The following PKIG variants were observed in gnomAD, a reference collection of about 807,000 sequenced individuals.
The protein encoded by PKIG is protein kinase (cAMP-dependent, catalytic) inhibitor gamma.
PKIG carries 1 observed loss-of-function variant against 6.8 expected under a neutral mutation model. The ratio of observed to expected loss-of-function variants is 0.15; its 90% CI spans 0.05 to 0.69. PKIG has a LOEUF of 0.69. Among genes scored for constraint, PKIG ranks in the 30% least tolerant of loss-of-function variants. PKIG has a pLI of 0.82. For synonymous variants in PKIG, 39 were observed against 43.0 expected, an observed-to-expected ratio of 0.91 and a Z score of 0.36; for missense variants, 77 against 104.0, an observed-to-expected ratio of 0.74 and a Z score of 1.13.
intron 1 of PKIG, among the ~76,000 whole-genome samples, chr20:44,555,396 T>G (rs1219509839): frequency 6.6e-6 from 1 of 152,220 alleles, no homozygotes; most frequent in Non-Finnish European, 1.5e-5. Flanking sequence ...CTCCAAAGCT[T>G]GCCAAATTCT....
intron 2 of PKIG, among the ~76,000 whole-genome samples, chr20:44,599,744 A>G (rs533946566): frequency 3.3e-5 from 5 of 152,242 alleles, no homozygotes; most frequent in African/African-American, 9.6e-5. Flanking sequence ...ACAAAAAACA[A>G]AAAAACTGTA....
At chr20:44,596,692 G>A (rs1186696432) in intron 2 of PKIG, among the ~76,000 whole-genome samples, 3 of 152,144 alleles carry the variant, frequency 2.0e-5, no homozygotes, top group Non-Finnish European at 4.4e-5. Flanking sequence ...AGCTGAAGAC[G>A]GCAGAGCCCC....
chr20:44,614,412 G>A lies in PKIG; in HGVS notation c.-23-122G>A. On this transcript the variant is annotated intron_variant, in intron 2 of 3. Transcript: ENST00000372886. The surrounding 1 kb of genome is among the most constrained non-coding windows in gnomAD (Gnocchi z 4.6). The stretch of plus-strand genomic sequence containing the variant: ...TGTACTTTTCTGTGCTTTTTGCTTT[G>A]TTTTCAATAAGAGGCAATAACTGTC... 1 of 699,328 alleles carries A rather than the reference G, an allele frequency of 1.4e-6. No homozygotes were observed. Among genetic ancestry groups the A allele is most frequent in the South Asian group, 1.9e-5 (1 of 52,392 alleles). The allele number at this position is 699,328 out of a possible 1,614,324, so 43.3% of individuals were successfully genotyped here.
intron 1 of PKIG, among the ~76,000 whole-genome samples, chr20:44,557,727 G>A (rs957937551): frequency 9.9e-5 from 15 of 151,748 alleles, no homozygotes; most frequent in Admixed American, 1.3e-4. Context: ...AGGAGGCTGA[G>A]GCAGGAGAAT....
chr20:44,583,224 G>A (rs1305850725), intron 1 of PKIG, among the ~76,000 whole-genome samples: 1 of 152,174 alleles, frequency 6.6e-6, no homozygotes, highest in African/African-American at 2.4e-5. Context: ...CAGACTCCAT[G>A]AATTTACCAC....
chr20:44,575,475 C>A, intron 1 of PKIG, among the ~76,000 whole-genome samples: 1 of 152,220 alleles, frequency 6.6e-6, no homozygotes, highest in East Asian at 1.9e-4. Flanking sequence ...ATCAGACATC[C>A]TGTCATGCTT....
rs1401846380 is a variant in PKIG, at chr20:44,618,334, C to T, written c.201C>T (p.Pro67=). The change falls in exon 4 of 4, where the codon CCC becomes CCT. Residue 67 remains proline (P), a synonymous_variant. Coordinates refer to ENST00000372886, the MANE Select transcript of PKIG (RefSeq NM_001281445.2). ...CAGACAAGGAAGCTGGCAACCAGCC[C>T]CAGAGCAGCGATGGGACCACCTCGT... ...SAPDKEAGNQ[P]QSSDGTTSS The T allele has an allele frequency of 1.9e-6, 3 of 1,613,470 alleles. No individual in the cohort carries two copies. Among genetic ancestry groups the T allele is most frequent in the Non-Finnish European group, 1.7e-6 (2 of 1,179,396 alleles).
intron 2 of PKIG, among the ~76,000 whole-genome samples, chr20:44,602,645 C>T (rs2065131084): frequency 6.7e-6 from 1 of 149,840 alleles, no homozygotes; most frequent in Admixed American, 6.6e-5. Context: ...TTAACCTGGC[C>T]AACATGGTGA....
intron 2 of PKIG, among the ~76,000 whole-genome samples, chr20:44,590,080 G>T (rs377005730): frequency 6.7e-5 from 10 of 148,430 alleles, no homozygotes; most frequent in East Asian, 2.0e-4. Flanking sequence ...GTTTTCAGGC[G>T]TTTTTTTTTT....
intron 2 of PKIG, among the ~76,000 whole-genome samples, chr20:44,607,598 A>G (rs1243885811): frequency 6.6e-6 from 1 of 150,628 alleles, no homozygotes; most frequent in African/African-American, 2.4e-5. Flanking sequence ...GCTAGTCTTG[A>G]ACTCCTGACC....
At chr20:44,589,046 G>A (rs1476334761) in intron 1 of PKIG, among the ~76,000 whole-genome samples, 1 of 152,060 alleles carries the variant, frequency 6.6e-6, no homozygotes, top group South Asian at 2.1e-4. Context: ...TTTCCCAGGG[G>A]GAACCATTGG....
chr20:44,569,573 A>C (rs1450612757), intron 1 of PKIG, among the ~76,000 whole-genome samples: 1 of 152,140 alleles, frequency 6.6e-6, no homozygotes, highest in Non-Finnish European at 1.5e-5. Flanking sequence ...ATAAACATGT[A>C]ATTTTTATTT....
intron 1 of PKIG, among the ~76,000 whole-genome samples, chr20:44,552,719 A>G (rs1196900519): frequency 2.0e-5 from 3 of 152,208 alleles, no homozygotes; most frequent in African/African-American, 7.2e-5. Context: ...GATGAATTGT[A>G]TGAAGCCTAG....
intron 2 of PKIG, among the ~76,000 whole-genome samples, chr20:44,596,786 C>T (rs562014671): frequency 2.0e-5 from 3 of 152,272 alleles, no homozygotes; most frequent in South Asian, 4.1e-4. Context: ...TGAAGGGCTT[C>T]ACTCACCCTA....
At chr20:44,610,068 G>A (rs909373707) in intron 2 of PKIG, among the ~76,000 whole-genome samples, 1 of 152,224 alleles carries the variant, frequency 6.6e-6, no homozygotes, top group African/African-American at 2.4e-5. Flanking sequence ...TGTAGAAGGA[G>A]CCACCTCTGG....
Position 44,614,349 on chromosome 20 carries a change from G to T in PKIG, c.-23-185G>T. ...GTTCTTTAAAATGTTGATGGTGGTTGTCTGGGTGTGGAATTATGAGTGACT... is the reference window on the plus strand; with the variant it reads ...GTTCTTTAAAATGTTGATGGTGGTTTTCTGGGTGTGGAATTATGAGTGACT... On this transcript the variant is annotated intron_variant, in intron 2 of 3. Transcript: ENST00000372886. This position sits in a 1 kb window ranked among gnomAD's most constrained non-coding sequence, Gnocchi z 4.6. 3.9e-6 allele frequency: 2 copies of T among 518,170 alleles called. No individual in the cohort carries two copies. Among genetic ancestry groups the T allele is most frequent in the South Asian group, 2.7e-5 (1 of 36,446 alleles). The allele number at this position is 518,170 out of a possible 1,614,324, so 32.1% of individuals were successfully genotyped here.
chr20:44,568,623 G>A (rs1194034773), intron 1 of PKIG, among the ~76,000 whole-genome samples: 1 of 152,060 alleles, frequency 6.6e-6, no homozygotes, highest in East Asian at 1.9e-4. Flanking sequence ...GCTAATTTTT[G>A]TAATTTTAGT....
intron 1 of PKIG, among the ~76,000 whole-genome samples, chr20:44,560,288 T>G (rs1044329539): frequency 6.0e-5 from 9 of 148,910 alleles, no homozygotes; most frequent in African/African-American, 2.2e-4. Flanking sequence ...TAAATACCAT[T>G]GTGATGTATA....
At position 44,614,722 on chromosome 20, in the gene PKIG, G is replaced by T; in HGVS notation, c.151+15G>T. ...CGAGGGGGCAGGTTAGAGCCAGCAG[G>T]TCCTTGGCACTACTGCATGCCAGAG... On this transcript the variant is annotated intron_variant, in intron 3 of 3. Coordinates refer to ENST00000372886, the MANE Select transcript of PKIG (RefSeq NM_001281445.2). The surrounding 1 kb of genome is among the most constrained non-coding windows in gnomAD (Gnocchi z 4.6). 1 of 1,613,056 alleles carries T rather than the reference G, an allele frequency of 6.2e-7. No homozygotes were observed. The highest frequency in any genetic ancestry group is 8.5e-7 in the Non-Finnish European group (1 of 1,179,862).
Sources: allele counts gnomAD v4.1 joint callset (sites outside exome capture counted in the v4.1 genomes callset), GRCh38; gene constraint gnomAD v4.1.1; non-coding constraint Gnocchi (gnomAD v3.1); transcripts MANE v1.5; gene names NCBI Gene and HGNC (gene_info 2026-07-23, HGNC 2026-07-21).